CCDC77: variants seen among roughly 807,000 people sequenced by gnomAD.
CCDC77 encodes coiled-coil domain containing 77, also known as coiled-coil domain-containing protein 77.
CCDC77 carries 56 observed loss-of-function variants against 66.8 expected under a neutral mutation model. The observed-to-expected ratio is 0.84, with a 90% CI of 0.68 to 1.05. The LOEUF is 1.05. CCDC77 is among the 50% of genes least tolerant of loss of function. The pLI is 0.00. For missense variants in CCDC77, 570 were observed against 576.8 expected, an observed-to-expected ratio of 0.99 and a Z score of 0.12; for synonymous variants, 196 against 195.2, an observed-to-expected ratio of 1.00 and a Z score of -0.03.
chr12:398,347 A>C (rs1281750286), upstream of CCDC77, among the ~76,000 whole-genome samples: 5 of 152,206 alleles, frequency 3.3e-5, no homozygotes, highest in African/African-American at 1.2e-4. Flanking sequence ...GATTCCAGCT[A>C]AAGAAACCAC....
chr12:393,582 A>T (rs1400690914), intron 1 of CCDC77, among the ~76,000 whole-genome samples: 2 of 150,330 alleles, frequency 1.3e-5, no homozygotes, highest in Non-Finnish European at 2.9e-5. Context: ...CCCAGGCTGG[A>T]GTGCAATGGT....
intron 4 of CCDC77, among the ~76,000 whole-genome samples, chr12:413,290 G>A (rs1293870800): frequency 2.7e-5 from 4 of 150,068 alleles, no homozygotes; most frequent in African/African-American, 9.9e-5. Flanking sequence ...AGGCTGGAGT[G>A]CAGTGGCGCG....
intron 3 of CCDC77, 102 bp downstream of exon 3, chr12:409,523 G>GT (rs1215635356): frequency 5.7e-5 from 66 of 1,158,334 alleles, no homozygotes; most frequent in Non-Finnish European, 6.9e-5. Flanking sequence ...ATTTCCTAAA[G>GT]TTTTTTTTCT....
rs199765871 is a variant in CCDC77 at position 440,992 on chromosome 12, A to G, written c.1316A>G (p.Tyr439Cys). 3.7e-6 allele frequency: 6 copies of G among 1,610,462 alleles called. No individual in the cohort carries two copies. The highest frequency in any genetic ancestry group is 5.1e-6 in the Non-Finnish European group (6 of 1,179,998). ...CTGAAAGACTTGGAGCAAATGTTGT[A>G]TAAGGTAATTGCTGGTCCTGAATTG... ...QKLKDLEQML[Y>C]KATVNARANQ... The change falls in exon 12 of 13, where the codon TAT (tyrosine) becomes TGT (cysteine). Residue 439 changes from tyrosine to cysteine, a missense_variant. Tyr to Cys is a radical substitution (Grantham distance 194). Transcript: ENST00000239830.
chr12:389,521 A>C, intron 1 of CCDC77: 1 of 108,472 alleles, frequency 9.2e-6, no homozygotes, highest in Non-Finnish European at 1.9e-5. Flanking sequence ...GCTCTTCTTT[A>C]CTAGAGGTAC....
intron 5 of CCDC77, among the ~76,000 whole-genome samples, chr12:428,436 G>A (rs149696697): frequency 1.6e-3 from 242 of 149,068 alleles, no homozygotes; most frequent in African/African-American, 5.0e-3. Context: ...GCGTGAACCC[G>A]GCAGGCGGAG....
At chr12:389,632 A>C (rs765422459) in intron 1 of CCDC77, 5 of 174,186 alleles carry the variant, frequency 2.9e-5, no homozygotes, top group Non-Finnish European at 5.0e-5. Context: ...AGGAATGTGT[A>C]ATGCCCCAGA....
intron 9 of CCDC77, among the ~76,000 whole-genome samples, chr12:436,170 T>A (rs1424018996): frequency 6.9e-6 from 1 of 144,896 alleles, no homozygotes; most frequent in South Asian, 2.2e-4. Context: ...CAGGCTGGAG[T>A]GCAGTGGCAC....
chr12:434,948 GT>G (rs1344180070), intron 9 of CCDC77, among the ~76,000 whole-genome samples: 1 of 151,998 alleles, frequency 6.6e-6, no homozygotes, highest in Non-Finnish European at 1.5e-5. Context: ...TCCCATCCCC[GT>G]CTCAAACCTA....
At chr12:431,426 C>T (rs1852060811) in intron 7 of CCDC77, among the ~76,000 whole-genome samples, 1 of 151,986 alleles carries the variant, frequency 6.6e-6, no homozygotes, top group South Asian at 2.1e-4. Flanking sequence ...AAGGGGTTCT[C>T]ACTATGTCAC....
At chr12:426,478 G>A (rs903841115) in intron 5 of CCDC77, among the ~76,000 whole-genome samples, 3 of 152,172 alleles carry the variant, frequency 2.0e-5, no homozygotes, top group African/African-American at 7.2e-5. Flanking sequence ...GCTTTCATAA[G>A]GACCTCCACC....
intron 3 of CCDC77, among the ~76,000 whole-genome samples, chr12:410,507 A>C (rs559511492): frequency 8.0e-5 from 12 of 150,554 alleles, no homozygotes; most frequent in Non-Finnish European, 1.8e-4. Context: ...ACCTCAAGTA[A>C]TCTGCCCACC....
At chr12:397,112 G>A (rs1944838122), upstream of CCDC77, among the ~76,000 whole-genome samples, 1 of 151,848 alleles carries the variant, frequency 6.6e-6, no homozygotes, top group Non-Finnish European at 1.5e-5. Context: ...TGGGGCTCAT[G>A]CCTGTAATCC....
chr12:424,521 A>C (rs569250383), intron 5 of CCDC77, among the ~76,000 whole-genome samples: 1 of 151,678 alleles, frequency 6.6e-6, no homozygotes, highest in African/African-American at 2.4e-5. Context: ...AACAGGGCAG[A>C]TCTCACTATA....
chr12:418,734 C>G, intron 5 of CCDC77, 98 bp downstream of exon 5: 1 of 1,351,948 alleles, frequency 7.4e-7, no homozygotes, highest in Non-Finnish European at 1.0e-6. Flanking sequence ...CAGTATCACT[C>G]TATTGCCCAG....
chr12:433,093 T>C (rs1945680488), intron 8 of CCDC77, 81 bp from the exon 9 acceptor site: 1 of 1,413,532 alleles, frequency 7.1e-7, no homozygotes, highest in Non-Finnish European at 9.6e-7. Context: ...TTAATTTTTC[T>C]GGAGAAAGGC....
chr12:416,640 G>A (rs562192999), intron 4 of CCDC77, among the ~76,000 whole-genome samples: 2 of 150,630 alleles, frequency 1.3e-5, no homozygotes, highest in East Asian at 3.9e-4. Flanking sequence ...TCTTGAACTC[G>A]TGGCCTCAAG....
chr12:398,235 C>T (rs1565560825), upstream of CCDC77, among the ~76,000 whole-genome samples: 3 of 152,166 alleles, frequency 2.0e-5, no homozygotes. Context: ...AAGTTGAAGT[C>T]AATCCTCAAA....
At position 423,477 on chromosome 12, in the gene CCDC77, G is replaced by GTTTTTTTTTTTTTTTTT. The variant is rs1565572179; in HGVS notation, c.413+4842_413+4843insTTTTTTTTTTTTTTTTT. ...TTTCTGGGTGTTTTTTGTGTTTTTT[G>GTTTTTTTTTTTTTTTTT]TGTTTTTTTTTGTTTTGTTTTTTTT... On this transcript the variant is annotated intron_variant, in intron 5 of 12. Transcript: ENST00000239830. Among the ~76,000 whole-genome samples the GTTTTTTTTTTTTTTTTT allele has an allele frequency of 1.8e-3, 46 of 24,976 alleles. 2 individuals carry two copies. Among genetic ancestry groups the GTTTTTTTTTTTTTTTTT allele is most frequent in the Non-Finnish European group, 2.7e-3 (26 of 9,522 alleles). The allele number at this position is 24,976 out of a possible 152,430, so 16.4% of individuals were successfully genotyped here. A position where few individuals can be genotyped will look rare whatever the true frequency, so the allele number is the denominator to read the frequency against.
Sources: gnomAD v4.1 joint callset for allele counts (sites outside exome capture counted in the v4.1 genomes callset) on GRCh38, gnomAD v4.1.1 for gene constraint, MANE v1.5 for transcripts, NCBI Gene and HGNC (gene_info 2026-07-23, HGNC 2026-07-21) for gene names.